Variants in SH2B2 observed in about 807,000 individuals in gnomAD.
SH2B2 encodes SH2B adaptor protein 2.
Under a neutral mutation model 35.7 loss-of-function variants are expected in SH2B2, and 37 were observed. The ratio of observed to expected loss-of-function variants is 1.04; its 90% CI spans 0.80 to 1.36. The LOEUF (loss-of-function observed/expected upper bound fraction) is 1.36, where lower values mean the gene tolerates loss of function less well. Ranked by LOEUF, SH2B2 falls within the 40% of genes most tolerant of loss-of-function variation. The pLI, the probability that SH2B2 is intolerant of heterozygous loss-of-function variation, is 0.00. For synonymous variants in SH2B2, 383 were observed against 376.4 expected (o/e 1.02, Z -0.20); for missense variants, 852 against 817.7 (o/e 1.04, Z -0.51).
At chr7:102,311,446 G>A (rs1554556021) in intron 4 of SH2B2, among the ~76,000 whole-genome samples, 1 of 151,994 alleles carries the variant, frequency 6.6e-6, no homozygotes, top group East Asian at 1.9e-4. Flanking sequence ...GCAGAGACGG[G>A]GTTTCCCCAT....
intron 4 of SH2B2, among the ~76,000 whole-genome samples, chr7:102,311,616 G>A (rs1436228606): frequency 6.9e-6 from 1 of 145,196 alleles, no homozygotes; most frequent in Non-Finnish European, 1.5e-5. Context: ...GTCCAGGCTG[G>A]TCTTGAATTC....
chr7:102,310,380 A>T (rs187225816), intron 4 of SH2B2, among the ~76,000 whole-genome samples: 1 of 152,308 alleles, frequency 6.6e-6, no homozygotes, highest in East Asian at 1.9e-4. Flanking sequence ...CGCAGGGAAC[A>T]TCAAGGCCTT....
chr7:102,316,477 C>T (rs929491882), intron 6 of SH2B2, among the ~76,000 whole-genome samples: 1 of 152,074 alleles, frequency 6.6e-6, no homozygotes, highest in Admixed American at 6.6e-5. Context: ...ATCCCAGATA[C>T]TTGGGAGGCT....
At chr7:102,286,401 C>G (rs1408260617), upstream of SH2B2, among the ~76,000 whole-genome samples, 2 of 152,236 alleles carry the variant, frequency 1.3e-5, no homozygotes, top group African/African-American at 4.8e-5. Context: ...AGCGGCGGCT[C>G]CCGCGAAGCA....
chr7:102,296,139 G>A (rs1792905593), intron 1 of SH2B2, among the ~76,000 whole-genome samples: 1 of 152,198 alleles, frequency 6.6e-6, no homozygotes, highest in Admixed American at 6.5e-5. Flanking sequence ...CTGTCCCTGG[G>A]GCTGTCCCTT....
Position 102,300,571 on chromosome 7 carries a change from C to T in SH2B2, c.21C>T (p.Gly7=). The change falls in exon 2 of 9, where the codon GGC becomes GGT. Residue 7 remains glycine (G), a synonymous_variant. Transcript: ENST00000444095. MNGAGP[G]PAAAAPVPVP... ...AAGCCATGAATGGTGCCGGCCCTGGCCCCGCCGCAGCCGCCCCGGTCCCAG... is the reference window on the plus strand; with the variant it reads ...AAGCCATGAATGGTGCCGGCCCTGGTCCCGCCGCAGCCGCCCCGGTCCCAG... The T allele has an allele frequency of 6.5e-7, 1 of 1,548,124 alleles. No homozygotes were observed. The highest frequency in any genetic ancestry group is 1.4e-5 in the African/African-American group (1 of 73,160).
intron 4 of SH2B2, among the ~76,000 whole-genome samples, chr7:102,310,812 G>A (rs782566766): frequency 1.3e-5 from 2 of 152,168 alleles, no homozygotes; most frequent in Non-Finnish European, 2.9e-5. Flanking sequence ...CTCACTTAGT[G>A]GAATTTTCGA....
chr7:102,293,554 A>C (rs1419636199), intron 1 of SH2B2, among the ~76,000 whole-genome samples: 1 of 148,836 alleles, frequency 6.7e-6, no homozygotes, highest in Non-Finnish European at 1.5e-5. Flanking sequence ...GGTGTAATGG[A>C]TGGGGGGAGG....
intron 1 of SH2B2, 112 bp from the exon 2 acceptor site, chr7:102,300,410 G>A (rs1397476311): frequency 7.7e-7 from 1 of 1,304,510 alleles, no homozygotes; most frequent in African/African-American, 1.5e-5. Context: ...ACGTGTGCAT[G>A]TACACACACA....
intron 1 of SH2B2, among the ~76,000 whole-genome samples, chr7:102,292,446 G>C (rs803096): frequency 6.6e-6 from 1 of 150,840 alleles, no homozygotes; most frequent in Non-Finnish European, 1.5e-5. Flanking sequence ...CAGGAGAATC[G>C]CTTGAACCCA....
chr7:102,313,493 C>T (rs1200447211), intron 4 of SH2B2, among the ~76,000 whole-genome samples: 1 of 152,056 alleles, frequency 6.6e-6, no homozygotes, highest in Non-Finnish European at 1.5e-5. Context: ...CGCTATGTTG[C>T]CCGAGCTGAT....
upstream of SH2B2, chr7:102,285,393 C>T: frequency 1.5e-6 from 1 of 684,428 alleles, no homozygotes; most frequent in Non-Finnish European, 2.6e-6. Context: ...CATAGGTGTC[C>T]TGGTTCCCAA....
intron 2 of SH2B2, among the ~76,000 whole-genome samples, chr7:102,302,197 T>A (rs1262703618): frequency 1.3e-5 from 2 of 152,180 alleles, no homozygotes; most frequent in Non-Finnish European, 2.9e-5. Context: ...AGAGCCTGGC[T>A]ACCTGCCCTC....
Position 102,314,540 on chromosome 7 carries a change from G to A in SH2B2, c.1044G>A (p.Thr348=), listed in dbSNP as rs907274404. The change falls in exon 6 of 9, where the codon ACG becomes ACA. Residue 348 remains threonine (T), a synonymous_variant. Coordinates refer to ENST00000444095, the MANE Select transcript of SH2B2 (RefSeq NM_001359228.2). ...TCGACCTGCCCCGCCCCCCAGAGAC[G>A]ACAGCCGTGGGTGCAGTGGTGACAG... ...DAVDLPRPPE[T]TAVGAVVTAP... The A allele has an allele frequency of 1.4e-4, 57 of 398,720 alleles. No homozygotes were observed. The highest frequency in any genetic ancestry group is 6.6e-4 in the Admixed American group (15 of 22,710). The allele number at this position is 398,720 out of a possible 1,614,324, so 24.7% of individuals were successfully genotyped here. A position where few individuals can be genotyped will look rare whatever the true frequency, so the allele number is the denominator to read the frequency against.
intron 1 of SH2B2, among the ~76,000 whole-genome samples, chr7:102,298,612 G>A (rs147450942): frequency 1.0e-3 from 158 of 152,094 alleles, no homozygotes; most frequent in African/African-American, 3.7e-3. Context: ...ACAGGGTCTC[G>A]CTCTGTCCCC....
rs574017145 is a variant in SH2B2, at chr7:102,297,315, T to C, written c.-29-3207T>C. Among the ~76,000 whole-genome samples, 1 of 151,886 alleles carries C rather than the reference T, an allele frequency of 6.6e-6. No homozygotes were observed. The highest frequency in any genetic ancestry group is 2.1e-4 in the South Asian group (1 of 4,798). On this transcript the variant is annotated intron_variant, in intron 1 of 8. Transcript: ENST00000444095. The surrounding 1 kb of genome is among the most constrained non-coding windows in gnomAD (Gnocchi z 4.3). ...TGGCTCGTGCCTGTAATTTCAGCAC[T>C]TTGGGAGGCCAAGGCCAGAGGATTG...
chr7:102,309,479 G>A, intron 4 of SH2B2: 1 of 304,022 alleles, frequency 3.3e-6, no homozygotes, highest in Admixed American at 4.5e-5. Context: ...TCCTGCCTCA[G>A]CCTCCTAAGT....
At chr7:102,307,133 G>A (rs782329111) in intron 3 of SH2B2, among the ~76,000 whole-genome samples, 1 of 152,232 alleles carries the variant, frequency 6.6e-6, no homozygotes, top group African/African-American at 2.4e-5. Flanking sequence ...ACTGGAGCTA[G>A]CACACACCCA....
chr7:102,321,312 G>GC lies in SH2B2; in HGVS notation c.1586dup (p.Ala530CysfsTer?). ...GCCTTGTTGCAGAGCCGGGCCCCAC[G>GC]CCCCCTGCCGCGCCCGCGTCCCCGG... is the stretch of plus-strand genomic sequence containing the variant. On this transcript the variant is annotated frameshift_variant, in exon 9 of 9. Transcript: ENST00000444095. LOFTEE classifies it low-confidence loss of function (END_TRUNC). The GC allele has an allele frequency of 1.4e-6, 2 of 1,415,320 alleles. No individual in the cohort carries two copies. The highest frequency in any genetic ancestry group is 1.8e-6 in the Non-Finnish European group (2 of 1,089,996). 87.7% of individuals were successfully genotyped at this position (1,415,320 alleles called of 1,614,324 possible).
Sources: gnomAD v4.1 joint callset for allele counts (sites outside exome capture counted in the v4.1 genomes callset) on GRCh38, gnomAD v4.1.1 for gene constraint, Gnocchi (gnomAD v3.1) non-coding constraint, MANE v1.5 for transcripts, NCBI Gene and HGNC (gene_info 2026-07-23, HGNC 2026-07-21) for gene names.